Variants in SMYD3 observed in about 807,000 individuals in gnomAD.
The protein encoded by SMYD3 is SET and MYND domain containing 3, also known as histone-lysine N-methyltransferase SMYD3.
SMYD3 carries 36 observed loss-of-function variants against 57.7 expected under a neutral mutation model. That is an observed-to-expected ratio of 0.62 (90% confidence interval 0.48 to 0.82). The LOEUF (loss-of-function observed/expected upper bound fraction) is 0.82. SMYD3 is among the 40% of genes least tolerant of loss of function. The pLI is 0.00. For synonymous variants in SMYD3, 211 were observed against 195.0 expected, an observed-to-expected ratio of 1.08 and a Z score of -0.68; for missense variants, 515 against 538.8, an observed-to-expected ratio of 0.96 and a Z score of 0.44.
chr1:245,964,972 T>C (rs1480036735), intron 5 of SMYD3, among the ~76,000 whole-genome samples: 1 of 151,982 alleles, frequency 6.6e-6, no homozygotes, highest in Admixed American at 6.6e-5. Flanking sequence ...CACAGATCCA[T>C]GAAGCTTAGA....
chr1:245,928,237 C>G (rs572069758), intron 6 of SMYD3, among the ~76,000 whole-genome samples: 8 of 152,088 alleles, frequency 5.3e-5, no homozygotes, highest in Admixed American at 2.6e-4. Context: ...CCTCAAGATG[C>G]AGGCTAACTA....
intron 5 of SMYD3, among the ~76,000 whole-genome samples, chr1:245,950,593 C>T (rs1336618078): frequency 6.6e-6 from 1 of 152,160 alleles, no homozygotes; most frequent in African/African-American, 2.4e-5. Flanking sequence ...CCACTTTCAG[C>T]GTCATAGTTC....
intron 10 of SMYD3, among the ~76,000 whole-genome samples, chr1:245,789,552 CT>C (rs1317635464): frequency 6.6e-6 from 1 of 152,114 alleles, no homozygotes; most frequent in Non-Finnish European, 1.5e-5. Flanking sequence ...TGATGTTGGC[CT>C]GAAAGTATTG....
chr1:246,391,190 A>C (rs902839391), intron 1 of SMYD3, among the ~76,000 whole-genome samples: 1 of 150,260 alleles, frequency 6.7e-6, no homozygotes, highest in African/African-American at 2.5e-5. Context: ...GTTCAAGATC[A>C]GCCTGGGCAA....
intron 10 of SMYD3, among the ~76,000 whole-genome samples, chr1:245,797,514 T>C (rs571507319): frequency 3.3e-4 from 25 of 76,884 alleles, no homozygotes; most frequent in South Asian, 1.8e-3. Flanking sequence ...CATCACACAC[T>C]GGGGCCTGTG....
chr1:246,078,938 A>G (rs2787960), intron 5 of SMYD3, among the ~76,000 whole-genome samples: 56,777 of 152,042 alleles, frequency 0.37, 13,468 homozygotes, highest in African/African-American at 0.67. Flanking sequence ...AGAATGTCTC[A>G]TTTTTATGGA....
chr1:245,927,822 G>C, intron 7 of SMYD3, 109 bp downstream of exon 7: 1 of 762,368 alleles, frequency 1.3e-6, no homozygotes, highest in Non-Finnish European at 2.2e-6. Context: ...ACTGGCAGAA[G>C]GACAATGAAA....
chr1:246,185,607 G>A (rs1435971895), intron 5 of SMYD3, among the ~76,000 whole-genome samples: 3 of 151,830 alleles, frequency 2.0e-5, no homozygotes, highest in Non-Finnish European at 4.4e-5. Flanking sequence ...AACTACAGGC[G>A]CCCGCCACCA....
intron 5 of SMYD3, among the ~76,000 whole-genome samples, chr1:246,171,856 A>T (rs1215273422): frequency 6.6e-6 from 1 of 152,152 alleles, no homozygotes; most frequent in African/African-American, 2.4e-5. Flanking sequence ...AGAAAAACTT[A>T]AAAAATTAAC....
intron 5 of SMYD3, chr1:246,052,641 T>C (rs748656344): frequency 5.9e-5 from 9 of 152,134 alleles, no homozygotes; most frequent in Non-Finnish European, 1.0e-4. Context: ...GCTAAAAATG[T>C]CTTTAAATAT....
chr1:246,198,948 T>C (rs2062866277), intron 5 of SMYD3, among the ~76,000 whole-genome samples: 1 of 152,178 alleles, frequency 6.6e-6, no homozygotes, highest in Non-Finnish European at 1.5e-5. Context: ...TAAAGGGTTT[T>C]TTAATGTAAA....
chr1:246,096,116 A>G (rs1003884486), intron 5 of SMYD3: 11 of 152,222 alleles, frequency 7.2e-5, no homozygotes, highest in African/African-American at 2.7e-4. Context: ...GATATATATC[A>G]AACAGTACCT....
chr1:246,010,796 T>C (rs1327728247), intron 5 of SMYD3, among the ~76,000 whole-genome samples: 1 of 152,232 alleles, frequency 6.6e-6, no homozygotes, highest in Non-Finnish European at 1.5e-5. Flanking sequence ...TCTATGGATA[T>C]CTGCGTCATC....
At chr1:245,911,473 T>A (rs1371088489) in intron 8 of SMYD3, among the ~76,000 whole-genome samples, 1 of 149,058 alleles carries the variant, frequency 6.7e-6, no homozygotes, top group African/African-American at 2.5e-5. Context: ...TAAATGTCCA[T>A]CAATAAGTAA....
intron 5 of SMYD3, among the ~76,000 whole-genome samples, chr1:246,012,074 G>A (rs76491372): frequency 0.018 from 2,675 of 152,114 alleles, 42 homozygotes; most frequent in African/African-American, 0.04. Context: ...CTGCTTGCTC[G>A]ATGACTGAAC....
At chr1:246,257,697 C>T (rs575552509) in intron 5 of SMYD3, among the ~76,000 whole-genome samples, 6 of 152,236 alleles carry the variant, frequency 3.9e-5, no homozygotes, top group East Asian at 3.9e-4. Context: ...TTCTATTATG[C>T]GGTTGCTTTA....
intron 5 of SMYD3, among the ~76,000 whole-genome samples, chr1:246,244,981 AG>A (rs1305036596): frequency 2.0e-5 from 3 of 152,220 alleles, no homozygotes; most frequent in Non-Finnish European, 4.4e-5. Context: ...CTATCAGGCC[AG>A]GCAAAGCATT....
chr1:245,992,244 T>C (rs2058822854), intron 5 of SMYD3, among the ~76,000 whole-genome samples: 1 of 120,006 alleles, frequency 8.3e-6, no homozygotes, highest in African/African-American at 3.2e-5. Context: ...CCGTCATTTC[T>C]ATCATATTCT....
chr1:246,055,125 G>A (rs1162475811), intron 5 of SMYD3, among the ~76,000 whole-genome samples: 1 of 151,710 alleles, frequency 6.6e-6, no homozygotes, highest in Admixed American at 6.6e-5. Context: ...GCAGTGAGCC[G>A]AGATGGTGCC....
Sources: allele counts gnomAD v4.1 joint callset (sites outside exome capture counted in the v4.1 genomes callset), GRCh38; gene constraint gnomAD v4.1.1; transcripts MANE v1.5; gene names NCBI Gene and HGNC (gene_info 2026-07-23, HGNC 2026-07-21).